The following PPIG variants were observed in gnomAD, a reference collection of about 807,000 sequenced individuals.
PPIG encodes peptidylprolyl isomerase G, also known as peptidyl-prolyl cis-trans isomerase G.
Under a neutral mutation model 87.9 loss-of-function variants are expected in PPIG, and 26 were observed. The observed-to-expected ratio is 0.30, with a 90% CI of 0.22 to 0.41. The LOEUF (loss-of-function observed/expected upper bound fraction) is 0.41. Ranked by LOEUF, PPIG falls within the 10% of genes least tolerant of loss-of-function variation. The pLI is 1.00. For synonymous variants in PPIG, 308 were observed against 276.5 expected, an observed-to-expected ratio of 1.11 and a Z score of -1.13; for missense variants, 722 against 879.4, an observed-to-expected ratio of 0.82 and a Z score of 2.26.
At chr2:169,602,465 G>T (rs1448619750) in intron 1 of PPIG, among the ~76,000 whole-genome samples, 2 of 152,100 alleles carry the variant, frequency 1.3e-5, no homozygotes, top group African/African-American at 4.8e-5. Flanking sequence ...ACAGGCACCC[G>T]CCACCACAGC....
intron 6 of PPIG, 34 bp from the exon 7 acceptor site, chr2:169,608,637 C>G: frequency 6.8e-7 from 1 of 1,460,412 alleles, no homozygotes; most frequent in Non-Finnish European, 9.6e-7. Context: ...GAGGTTATAT[C>G]TATAATGTAA....
rs753318579 is a variant in PPIG at position 169,636,264 on chromosome 2, TAA to T, written c.1154+37_1154+38del. 11 of 1,558,448 alleles carry T rather than the reference TAA, an allele frequency of 7.1e-6. No individual in the cohort carries two copies. In the South Asian group the frequency reaches 7.4e-5, roughly 11 times the overall value. The stretch of plus-strand genomic sequence containing the variant: ...ACTATTATTATTTCAAATGTAATGA[TAA>T]GTGTTTGCTTTTACTATTATACATA... On this transcript the variant is annotated intron_variant, in intron 13 of 13. Coordinates refer to ENST00000260970, the MANE Select transcript of PPIG (RefSeq NM_004792.3).
At chr2:169,588,873 C>G (rs759468340) in intron 1 of PPIG, among the ~76,000 whole-genome samples, 1 of 145,110 alleles carries the variant, frequency 6.9e-6, no homozygotes, top group Admixed American at 7.4e-5. Flanking sequence ...GCAGGAGAAT[C>G]GCTTGAACCC....
chr2:169,592,507 T>G (rs151105449), intron 1 of PPIG, among the ~76,000 whole-genome samples: 1 of 152,054 alleles, frequency 6.6e-6, no homozygotes, highest in East Asian at 1.9e-4. Context: ...GGTTTCACCA[T>G]GTTAGCCAGG....
At chr2:169,597,585 G>T (rs946332192) in intron 1 of PPIG, among the ~76,000 whole-genome samples, 4 of 149,330 alleles carry the variant, frequency 2.7e-5, no homozygotes, top group Non-Finnish European at 5.9e-5. Flanking sequence ...CACAACCTCC[G>T]CATCCTGAGT....
chr2:169,633,772 G>C (rs935247228), intron 12 of PPIG, among the ~76,000 whole-genome samples: 1 of 151,664 alleles, frequency 6.6e-6, no homozygotes, highest in Non-Finnish European at 1.5e-5. Flanking sequence ...ACAAATTCCA[G>C]TGGATTCTTT....
At chr2:169,633,295 C>A in intron 12 of PPIG, 48 bp downstream of exon 12, 1 of 1,370,162 alleles carries the variant, frequency 7.3e-7, no homozygotes, top group Non-Finnish European at 1.0e-6. Context: ...CATTTGTCTT[C>A]CTTAAATAAT....
At chr2:169,633,295 C>G in intron 12 of PPIG, 48 bp downstream of exon 12, 1 of 1,370,162 alleles carries the variant, frequency 7.3e-7, no homozygotes, top group Admixed American at 1.7e-5. Flanking sequence ...CATTTGTCTT[C>G]CTTAAATAAT....
intron 1 of PPIG, among the ~76,000 whole-genome samples, chr2:169,591,920 A>ATTTTTTTTTTTTTTTTT (rs3067016): frequency 1.1e-5 from 1 of 87,410 alleles, no homozygotes; most frequent in African/African-American, 4.7e-5. Flanking sequence ...GCAATTCATG[A>ATTTTTTTTTTTTTTTTT]TTTTTTTTTT....
intron 9 of PPIG, among the ~76,000 whole-genome samples, chr2:169,628,830 C>T (rs559078012): frequency 2.1e-4 from 32 of 150,776 alleles, no homozygotes; most frequent in African/African-American, 3.2e-4. Context: ...CCTGTGTTTC[C>T]AGTTACTCAG....
intron 1 of PPIG, among the ~76,000 whole-genome samples, chr2:169,588,925 C>T (rs911352441): frequency 7.0e-5 from 9 of 129,278 alleles, no homozygotes; most frequent in Admixed American, 3.0e-4. Flanking sequence ...CACCATTGCA[C>T]TTCAGCCTGG....
chr2:169,629,475 T>G (rs1334327095), intron 9 of PPIG, among the ~76,000 whole-genome samples: 1 of 152,240 alleles, frequency 6.6e-6, no homozygotes, highest in Admixed American at 6.5e-5. Flanking sequence ...GAAATTGGTC[T>G]TGTAAGTTGT....
chr2:169,620,749 T>G (rs1685727720), intron 9 of PPIG, among the ~76,000 whole-genome samples: 1 of 152,186 alleles, frequency 6.6e-6, no homozygotes, highest in African/African-American at 2.4e-5. Flanking sequence ...GTAAGAACTT[T>G]AAATATTTTA....
intron 1 of PPIG, among the ~76,000 whole-genome samples, chr2:169,594,982 G>A (rs1684979981): frequency 6.6e-6 from 1 of 151,970 alleles, no homozygotes; most frequent in Non-Finnish European, 1.5e-5. Context: ...AAGCTGGAGT[G>A]CAGTGGCATG....
At chr2:169,602,145 T>G (rs1685200190) in intron 1 of PPIG, among the ~76,000 whole-genome samples, 1 of 152,144 alleles carries the variant, frequency 6.6e-6, no homozygotes, top group Non-Finnish European at 1.5e-5. Flanking sequence ...TAAGGTATGT[T>G]TGAAATATAA....
chr2:169,593,101 A>G (rs758190054), intron 1 of PPIG, among the ~76,000 whole-genome samples: 2 of 151,306 alleles, frequency 1.3e-5, no homozygotes, highest in African/African-American at 4.9e-5. Flanking sequence ...ACACATGTAC[A>G]TTATAATGTT....
chr2:169,588,230 T>C (rs1317136887), intron 1 of PPIG, among the ~76,000 whole-genome samples: 2 of 151,990 alleles, frequency 1.3e-5, no homozygotes, highest in African/African-American at 4.8e-5. Flanking sequence ...GAACGAAGCA[T>C]ATTCGTGTGT....
chr2:169,585,403 A>T (rs1050288385), intron 1 of PPIG, among the ~76,000 whole-genome samples: 1 of 151,804 alleles, frequency 6.6e-6, no homozygotes, highest in Non-Finnish European at 1.5e-5. Context: ...CTGGGACTAC[A>T]GGCACGTGCC....
chr2:169,628,589 T>C (rs1405310785), intron 9 of PPIG, among the ~76,000 whole-genome samples: 2 of 152,148 alleles, frequency 1.3e-5, no homozygotes, highest in East Asian at 3.9e-4. Context: ...AGAAAGAGGA[T>C]TACTAGAGCC....
Sources: allele counts gnomAD v4.1 joint callset (sites outside exome capture counted in the v4.1 genomes callset), GRCh38; gene constraint gnomAD v4.1.1; transcripts MANE v1.5; gene names NCBI Gene and HGNC (gene_info 2026-07-23, HGNC 2026-07-21).